COL23A1: variants seen among roughly 807,000 people sequenced by gnomAD.
COL23A1 encodes collagen type XXIII alpha 1 chain, also known as collagen alpha-1(XXIII) chain.
In COL23A1, 97 loss-of-function variants were observed where a neutral mutation model predicts 99.3. The observed-to-expected ratio is 0.98, with a 90% CI of 0.83 to 1.16. The LOEUF is 1.16. Ranked by LOEUF, COL23A1 falls within the 50% of genes most tolerant of loss-of-function variation. The pLI, the probability that COL23A1 is intolerant of heterozygous loss-of-function variation, is 0.00. For synonymous variants in COL23A1, 320 were observed against 308.2 expected (o/e 1.04, Z -0.40); for missense variants, 762 against 757.4 (o/e 1.01, Z -0.07).
chr5:178,249,708 A>ACT (rs1362181631), intron 18 of COL23A1, among the ~76,000 whole-genome samples: 3 of 100,736 alleles, frequency 3.0e-5, no homozygotes, highest in East Asian at 3.4e-4. Flanking sequence ...ACACACACAC[A>ACT]CACACACACT....
chr5:178,565,948 A>G (rs1377019164), intron 1 of COL23A1, among the ~76,000 whole-genome samples: 2 of 144,656 alleles, frequency 1.4e-5, no homozygotes, highest in African/African-American at 5.4e-5. Context: ...CCCCATCTCT[A>G]CTAAAAAAAA....
At position 178,331,507 on chromosome 5, in the gene COL23A1, C is replaced by A. The variant is rs115463887; in HGVS notation, c.362-24588G>T. On this transcript the variant is annotated intron_variant, in intron 2 of 28. Transcript: ENST00000390654. ...CATATGATGCCCTGCATAGCAGGCA[C>A]CCGGCCAGGTGCCTCAGAGCCCTGT... Among the ~76,000 whole-genome samples, 212 of 152,330 alleles carry A rather than the reference C, an allele frequency of 1.4e-3. 1 individual carries two copies. Among genetic ancestry groups the A allele is most frequent in the Non-Finnish European group, 2.5e-3 (170 of 68,036 alleles).
chr5:178,264,571 G>A (rs1352206330), intron 8 of COL23A1, among the ~76,000 whole-genome samples: 2 of 152,106 alleles, frequency 1.3e-5, no homozygotes, highest in African/African-American at 2.4e-5. Flanking sequence ...GTACACCCAG[G>A]TCATGGTGCC....
intron 2 of COL23A1, among the ~76,000 whole-genome samples, chr5:178,345,660 G>A (rs1010053581): frequency 2.0e-5 from 3 of 151,166 alleles, no homozygotes; most frequent in Admixed American, 1.3e-4. Flanking sequence ...GGGACTACAG[G>A]TGCCCGCCAC....
intron 3 of COL23A1, among the ~76,000 whole-genome samples, chr5:178,304,926 T>C (rs1297258973): frequency 6.6e-6 from 1 of 152,252 alleles, no homozygotes; most frequent in East Asian, 1.9e-4. Flanking sequence ...ACCCAGTGAG[T>C]CTATCTTTCC....
intron 2 of COL23A1, among the ~76,000 whole-genome samples, chr5:178,429,597 C>T (rs1033353914): frequency 6.6e-6 from 1 of 152,178 alleles, no homozygotes; most frequent in Non-Finnish European, 1.5e-5. Context: ...TCTTTTCATG[C>T]GTAAAATGTA....
chr5:178,484,834 A>T (rs946850696), intron 2 of COL23A1, among the ~76,000 whole-genome samples: 3 of 151,334 alleles, frequency 2.0e-5, no homozygotes, highest in African/African-American at 7.3e-5. Flanking sequence ...AAAAAAAAAA[A>T]AAAAAAAAAG....
intron 1 of COL23A1, among the ~76,000 whole-genome samples, chr5:178,564,295 C>T (rs1762743310): frequency 6.6e-6 from 1 of 152,078 alleles, no homozygotes; most frequent in Non-Finnish European, 1.5e-5. Context: ...TTTTCTCTCC[C>T]GGACCCCACC....
intron 2 of COL23A1, among the ~76,000 whole-genome samples, chr5:178,404,833 C>T (rs1764669511): frequency 6.6e-6 from 1 of 152,210 alleles, no homozygotes; most frequent in Non-Finnish European, 1.5e-5. Flanking sequence ...GCAACTCTCC[C>T]TTTCCCTGTC....
rs865964186 is a variant in COL23A1, at chr5:178,262,331, G to A, written c.640-79C>T. 1.7e-5 allele frequency: 24 copies of A among 1,381,952 alleles called. No individual in the cohort carries two copies. The East Asian group carries it at 2.0e-4, about 11-fold the overall frequency. 85.6% of individuals were successfully genotyped at this position (1,381,952 alleles called of 1,614,324 possible). On this transcript the variant is annotated intron_variant, in intron 9 of 28. Transcript: ENST00000390654. ...GAGCCCAAATCTCAGGCCAGACCCCGGGCTGGGGCTCTAAGTACATTATCT... is the reference window on the plus strand; with the variant it reads ...GAGCCCAAATCTCAGGCCAGACCCCAGGCTGGGGCTCTAAGTACATTATCT...
chr5:178,263,172 A>G (rs145918728), intron 9 of COL23A1, 36 bp downstream of exon 9: 2 of 1,492,224 alleles, frequency 1.3e-6, no homozygotes, highest in African/African-American at 1.4e-5. Flanking sequence ...GGTTTTGGTC[A>G]AGTCCTGCGT....
At chr5:178,401,676 T>C (rs1375472507) in intron 2 of COL23A1, among the ~76,000 whole-genome samples, 2 of 152,252 alleles carry the variant, frequency 1.3e-5, no homozygotes, top group African/African-American at 2.4e-5. Context: ...TGCAGAGTCA[T>C]AGAAGTAGAT....
At chr5:178,291,943 T>G (rs1036254188) in intron 3 of COL23A1, among the ~76,000 whole-genome samples, 1 of 152,154 alleles carries the variant, frequency 6.6e-6, no homozygotes, top group Non-Finnish European at 1.5e-5. Flanking sequence ...TGCTGGCAGC[T>G]TGGACATCCC....
intron 2 of COL23A1, among the ~76,000 whole-genome samples, chr5:178,553,171 A>T (rs1581625438): frequency 2.1e-5 from 1 of 47,218 alleles, no homozygotes; most frequent in African/African-American, 2.4e-4. Flanking sequence ...TCCTATCTTA[A>T]AAAAAAAAAA....
Position 178,529,793 on chromosome 5 carries a change from G to A in COL23A1, c.361+30889C>T, listed in dbSNP as rs550468745. On this transcript the variant is annotated intron_variant, in intron 2 of 28. Transcript: ENST00000390654. ...ACCTCAGGCCTGATTTAAACTCCTC[G>A]TGTCCAGCATGGTGCCAGGCACACA... Among the ~76,000 whole-genome samples, 13 of 152,236 alleles carry A rather than the reference G, an allele frequency of 8.5e-5. 1 individual carries two copies. The South Asian group carries it at 1.9e-3, about 22-fold the overall frequency.
chr5:178,586,320 G>C (rs569911484), intron 1 of COL23A1, among the ~76,000 whole-genome samples: 1 of 152,222 alleles, frequency 6.6e-6, no homozygotes, highest in African/African-American at 2.4e-5. Context: ...TATCAGAGGA[G>C]AGGCAGTGGA....
intron 2 of COL23A1, among the ~76,000 whole-genome samples, chr5:178,436,865 G>C (rs933509187): frequency 2.6e-5 from 4 of 152,240 alleles, no homozygotes; most frequent in African/African-American, 9.6e-5. Flanking sequence ...GGGGGTCAGA[G>C]AGGTTTCACT....
intron 2 of COL23A1, among the ~76,000 whole-genome samples, chr5:178,402,374 T>A (rs1764497793): frequency 6.6e-6 from 1 of 151,944 alleles, no homozygotes; most frequent in Admixed American, 6.6e-5. Flanking sequence ...AAAGTAGCTC[T>A]CACGAAGACA....
At chr5:178,357,078 T>TAA (rs1346167970) in intron 2 of COL23A1, among the ~76,000 whole-genome samples, 2 of 152,364 alleles carry the variant, frequency 1.3e-5, no homozygotes, top group East Asian at 3.9e-4. Flanking sequence ...TGAACGGAGC[T>TAA]AAAGATGTAC....
Sources: gnomAD v4.1 joint callset for allele counts (sites outside exome capture counted in the v4.1 genomes callset) on GRCh38, gnomAD v4.1.1 for gene constraint, MANE v1.5 for transcripts, NCBI Gene and HGNC (gene_info 2026-07-23, HGNC 2026-07-21) for gene names.